The following EPB41L2 variants were observed in gnomAD, a reference collection of about 807,000 sequenced individuals.
EPB41L2 encodes erythrocyte membrane protein band 4.1 like 2.
In EPB41L2, 43 loss-of-function variants were observed where a neutral mutation model predicts 113.0. That is an observed-to-expected ratio of 0.38 (90% CI 0.30 to 0.49). The LOEUF is 0.49. Ranked by LOEUF, EPB41L2 falls within the 20% of genes least tolerant of loss-of-function variation. The probability of loss-of-function intolerance (pLI) is 0.95; values close to 1 mark genes in which losing one functional copy is unlikely to be tolerated. For missense variants in EPB41L2, 1,147 were observed against 1,223.4 expected (o/e 0.94, Z 0.93); for synonymous variants, 442 against 436.7 (o/e 1.01, Z -0.15).
Position 130,902,079 on chromosome 6 carries a change from G to A in EPB41L2, c.930-899C>T, listed in dbSNP as rs563231568. 1.8e-4 allele frequency among the ~76,000 whole-genome samples: 28 copies of A among 152,324 alleles called. No individual in the cohort carries two copies. In the South Asian group the frequency reaches 5.8e-3, roughly 32 times the overall value. ...ATTCCTCTTGGTAACATTTTAAAATGTGATTTCTACTCTTTAACTTCACCA... is the reference window on the plus strand; with the variant it reads ...ATTCCTCTTGGTAACATTTTAAAATATGATTTCTACTCTTTAACTTCACCA... On this transcript the variant is annotated intron_variant, in intron 6 of 19. Transcript: ENST00000337057.
Position 130,899,560 on chromosome 6 carries a change from T to C in EPB41L2, c.1167A>G (p.Gln389=), listed in dbSNP as rs1182474664. The C allele has an allele frequency of 1.2e-6, 2 of 1,613,920 alleles. No homozygotes were observed. Among genetic ancestry groups the C allele is most frequent in the African/African-American group, 1.3e-5 (1 of 75,046 alleles). The change falls in exon 8 of 20, where the codon CAA becomes CAG. Residue 389 remains glutamine (Q), a synonymous_variant. Coordinates refer to ENST00000337057, the MANE Select transcript of EPB41L2 (RefSeq NM_001431.4). ...CATTTTCTAAGAACTGGGAATCAGC[T>C]TGTGCTGGCGATAAGCCCCTGAGAA... ...HKTHRGLSPA[Q]ADSQFLENAK...
intron 1 of EPB41L2, among the ~76,000 whole-genome samples, chr6:130,973,174 CTTCACTTT>C (rs1777337648): frequency 6.6e-6 from 1 of 152,016 alleles, no homozygotes; most frequent in South Asian, 2.1e-4. Flanking sequence ...CACTTCTCTT[CTTCACTTT>C]TTCACTTTTT....
At chr6:130,939,325 C>T (rs1261152766) in intron 3 of EPB41L2, among the ~76,000 whole-genome samples, 7 of 151,828 alleles carry the variant, frequency 4.6e-5, no homozygotes, top group African/African-American at 1.7e-4. Context: ...GTGATCACCG[C>T]TCACTACAAC....
At chr6:131,059,114 CT>C (rs1554361720) in intron 1 of EPB41L2, among the ~76,000 whole-genome samples, 67 of 131,358 alleles carry the variant, frequency 5.1e-4, no homozygotes, top group African/African-American at 7.1e-4. Context: ...TTACCTATAA[CT>C]TTTTTTTTTT....
chr6:131,016,493 C>CACAA (rs1281436655), intron 1 of EPB41L2, among the ~76,000 whole-genome samples: 1 of 150,112 alleles, frequency 6.7e-6, no homozygotes, highest in African/African-American at 2.5e-5. Context: ...CACACACACA[C>CACAA]ACACACACAC....
chr6:130,965,658 A>G (rs551416723), intron 1 of EPB41L2, among the ~76,000 whole-genome samples: 287 of 140,556 alleles, frequency 2.0e-3, no homozygotes, highest in Non-Finnish European at 3.3e-3. Flanking sequence ...AAAAAAAAAA[A>G]AAAGAAAGAA....
chr6:130,926,506 C>A, intron 4 of EPB41L2, 99 bp downstream of exon 4: 1 of 871,654 alleles, frequency 1.1e-6, no homozygotes, highest in Non-Finnish European at 1.8e-6. Context: ...TAATAAACAC[C>A]TAAGTTATTT....
Position 131,041,065 on chromosome 6 carries a change from G to C in EPB41L2, c.-15+22090C>G, listed in dbSNP as rs114162503. On this transcript the variant is annotated intron_variant, in intron 1 of 19. Coordinates refer to ENST00000337057, the MANE Select transcript of EPB41L2 (RefSeq NM_001431.4). The stretch of plus-strand genomic sequence containing the variant: ...TAACCATAATTAAATGCAATCCTTG[G>C]CAGGATCCCAGTTTGCCAAACACAC... Among the ~76,000 whole-genome samples, 964 of 152,234 alleles carry C rather than the reference G, an allele frequency of 6.3e-3. 15 individuals are homozygous for C. The highest frequency in any genetic ancestry group is 0.022 in the African/African-American group (903 of 41,544).
intron 3 of EPB41L2, among the ~76,000 whole-genome samples, chr6:130,937,786 G>A (rs535642809): frequency 6.1e-5 from 9 of 147,502 alleles, no homozygotes; most frequent in Non-Finnish European, 1.3e-4. Context: ...ACTGCCCTCC[G>A]GCCTGGGTGA....
intron 1 of EPB41L2, among the ~76,000 whole-genome samples, chr6:130,982,770 A>G (rs546576489): frequency 1.4e-4 from 21 of 152,384 alleles, no homozygotes; most frequent in Middle Eastern, 3.4e-3. Context: ...CTTTACAAAC[A>G]TATTTATGCT....
At chr6:130,915,466 A>G (rs1033859607) in intron 4 of EPB41L2, among the ~76,000 whole-genome samples, 4 of 152,240 alleles carry the variant, frequency 2.6e-5, no homozygotes, top group Non-Finnish European at 4.4e-5. Context: ...AACCTGGTTA[A>G]TATCAGCAGA....
chr6:130,929,249 C>T (rs553489484), intron 3 of EPB41L2, among the ~76,000 whole-genome samples: 7 of 152,278 alleles, frequency 4.6e-5, no homozygotes, highest in East Asian at 1.9e-4. Context: ...ATCACAGCTG[C>T]GCCAAGAATA....
intron 1 of EPB41L2, among the ~76,000 whole-genome samples, chr6:130,975,592 T>C (rs1250112645): frequency 6.6e-6 from 1 of 152,210 alleles, no homozygotes; most frequent in African/African-American, 2.4e-5. Flanking sequence ...GAAGAATTCC[T>C]TTTGGTTATC....
chr6:130,987,520 C>T (rs755254507), intron 1 of EPB41L2, among the ~76,000 whole-genome samples: 1 of 152,098 alleles, frequency 6.6e-6, no homozygotes, highest in South Asian at 2.1e-4. Context: ...TGGTGAAACC[C>T]TGTCTCTACT....
rs190507621 is a variant in EPB41L2, at chr6:131,006,479, C to T, written c.-14-49980G>A. ...GAGCTCGAGACGAGCCTAGTCAACA[C>T]GACAAAACCCCGTCTCTACTAAAAA... is the stretch of plus-strand genomic sequence containing the variant. On this transcript the variant is annotated intron_variant, in intron 1 of 19. Coordinates refer to ENST00000337057, the MANE Select transcript of EPB41L2 (RefSeq NM_001431.4). Among the ~76,000 whole-genome samples, 528 of 151,580 alleles carry T rather than the reference C, an allele frequency of 3.5e-3. 1 individual carries two copies. Among genetic ancestry groups the T allele is most frequent in the African/African-American group, 0.012 (493 of 41,452 alleles).
Position 130,863,733 on chromosome 6 carries a change from G to A in EPB41L2, c.2830-15C>T. 6.3e-7 allele frequency: 1 copy of A among 1,598,652 alleles called. No homozygotes were observed. The highest frequency in any genetic ancestry group is 1.1e-5 in the South Asian group (1 of 90,304). On this transcript the variant is annotated splice_polypyrimidine_tract_variant and intron_variant, in intron 17 of 19. Transcript: ENST00000337057. ...CCTTTTACAGTCTAAAGGTCATAAA[G>A]GAGAAGAAGAAAAAACAGCAATCAC... is the stretch of plus-strand genomic sequence containing the variant.
chr6:130,844,708 A>G (rs747367736), intron 19 of EPB41L2, among the ~76,000 whole-genome samples: 2 of 152,130 alleles, frequency 1.3e-5, no homozygotes, highest in Non-Finnish European at 2.9e-5. Flanking sequence ...CTCAATTTGC[A>G]TATTTGATTT....
At chr6:131,012,329 C>G (rs1787219176) in intron 1 of EPB41L2, among the ~76,000 whole-genome samples, 1 of 150,462 alleles carries the variant, frequency 6.6e-6, no homozygotes, top group South Asian at 2.2e-4. Context: ...CAGGGTTTCT[C>G]AACCTCCGCA....
intron 1 of EPB41L2, among the ~76,000 whole-genome samples, chr6:130,966,801 C>A (rs1392241389): frequency 6.6e-6 from 1 of 152,164 alleles, no homozygotes; most frequent in Admixed American, 6.5e-5. Flanking sequence ...AGCCACGATG[C>A]CAATTTGCCT....
Sources: allele counts gnomAD v4.1 joint callset (sites outside exome capture counted in the v4.1 genomes callset), GRCh38; gene constraint gnomAD v4.1.1; transcripts MANE v1.5; gene names NCBI Gene and HGNC (gene_info 2026-07-23, HGNC 2026-07-21).